ERBB4: variants seen among roughly 807,000 people sequenced by gnomAD.
ERBB4 encodes erb-b2 receptor tyrosine kinase 4.
ERBB4 carries 42 observed loss-of-function variants against 158.0 expected under a neutral mutation model. The ratio of observed to expected loss-of-function variants is 0.27; its 90% confidence interval spans 0.21 to 0.34. The LOEUF (loss-of-function observed/expected upper bound fraction) is 0.34. Ranked by LOEUF, ERBB4 falls within the 10% of genes least tolerant of loss-of-function variation. ERBB4 has a pLI of 1.00. For missense variants in ERBB4, 1,333 were observed against 1,624.1 expected (o/e 0.82, Z 3.08); for synonymous variants, 583 against 558.7 (o/e 1.04, Z -0.61).
intron 2 of ERBB4, among the ~76,000 whole-genome samples, chr2:212,002,250 G>T (rs1238342884): frequency 6.6e-6 from 1 of 152,168 alleles, no homozygotes; most frequent in Admixed American, 6.5e-5. Context: ...CAGCTCTAGT[G>T]AGAGACCATA....
chr2:211,638,866 A>G (rs1030470300), intron 16 of ERBB4, among the ~76,000 whole-genome samples: 1 of 152,120 alleles, frequency 6.6e-6, no homozygotes, highest in African/African-American at 2.4e-5. Context: ...ACATTTACAC[A>G]TATCTATGGG....
chr2:211,948,001 C>T (rs568837529), intron 2 of ERBB4, among the ~76,000 whole-genome samples: 8 of 152,026 alleles, frequency 5.3e-5, no homozygotes, highest in Non-Finnish European at 1.2e-4. Context: ...ATTGGTGAGC[C>T]TAAGTAAAAC....
At chr2:212,125,721 C>G (rs58834228) in intron 1 of ERBB4, among the ~76,000 whole-genome samples, 15,279 of 152,134 alleles carry the variant, frequency 0.1, 1,590 homozygotes, top group African/African-American at 0.27. Context: ...CTTCTAGCTC[C>G]ATCCATGTCT....
chr2:211,525,175 C>T (rs1020004479), intron 20 of ERBB4, among the ~76,000 whole-genome samples: 4 of 152,104 alleles, frequency 2.6e-5, no homozygotes, highest in South Asian at 2.1e-4. Context: ...CAGTGGACTT[C>T]GGGGGCACAT....
chr2:211,580,859 GCATATACATA>G lies in ERBB4; in HGVS notation c.2302-18781_2302-18772del, dbSNP rs1430767707. On this transcript the variant is annotated intron_variant, in intron 19 of 27. Coordinates refer to ENST00000342788, the MANE Select transcript of ERBB4 (RefSeq NM_005235.3). ...AGATTATATATTATATATATAGTATGCATATACATATATATATATATATATATATATATAT... is the reference window on the plus strand; with the variant it reads ...AGATTATATATTATATATATAGTATGTATATATATATATATATATATATAT... 8.6e-4 allele frequency among the ~76,000 whole-genome samples: 57 copies of G among 66,048 alleles called. 6 individuals carry two copies. The highest frequency in any genetic ancestry group is 3.9e-3 in the African/African-American group (56 of 14,430). 43.3% of individuals were successfully genotyped at this position (66,048 alleles called of 152,430 possible).
chr2:212,445,702 T>C (rs2092335427), intron 1 of ERBB4, among the ~76,000 whole-genome samples: 1 of 152,144 alleles, frequency 6.6e-6, no homozygotes, highest in Non-Finnish European at 1.5e-5. Context: ...AACAGCCCAA[T>C]CCAGGCAGGA....
chr2:211,960,300 T>C (rs1442821864), intron 2 of ERBB4, among the ~76,000 whole-genome samples: 2 of 152,108 alleles, frequency 1.3e-5, no homozygotes, highest in South Asian at 2.1e-4. Context: ...AGACCCTTCC[T>C]GGCCAATGAT....
At chr2:212,087,118 T>A (rs531084274) in intron 2 of ERBB4, among the ~76,000 whole-genome samples, 1 of 151,794 alleles carries the variant, frequency 6.6e-6, no homozygotes, top group African/African-American at 2.4e-5. Flanking sequence ...GTCCTCTATA[T>A]GGAAAATGTG....
At chr2:212,446,591 G>GTATGTATATA (rs1303302858) in intron 1 of ERBB4, among the ~76,000 whole-genome samples, 1 of 27,518 alleles carries the variant, frequency 3.6e-5, no homozygotes, top group Non-Finnish European at 5.9e-5. Context: ...ATATATATAT[G>GTATGTATATA]TATATATATA....
chr2:211,812,077 G>A (rs145670777), intron 3 of ERBB4, among the ~76,000 whole-genome samples: 6,045 of 152,250 alleles, frequency 0.04, 170 homozygotes, highest in African/African-American at 0.074. Context: ...TGCTGGTGAG[G>A]AGCTGTGATC....
At chr2:212,324,442 AC>A (rs2087724350) in intron 1 of ERBB4, among the ~76,000 whole-genome samples, 1 of 148,156 alleles carries the variant, frequency 6.7e-6, no homozygotes, top group Non-Finnish European at 1.5e-5. Flanking sequence ...TGAGAGTATA[AC>A]GAAACCATGA....
chr2:211,523,631 G>A (rs890341922), intron 20 of ERBB4, among the ~76,000 whole-genome samples: 5 of 151,998 alleles, frequency 3.3e-5, no homozygotes, highest in African/African-American at 7.2e-5. Context: ...GGAGTTGTTC[G>A]TTCCTCCCGG....
At chr2:212,489,750 A>T (rs1690171403) in intron 1 of ERBB4, among the ~76,000 whole-genome samples, 1 of 151,400 alleles carries the variant, frequency 6.6e-6, no homozygotes, top group African/African-American at 2.4e-5. Flanking sequence ...TCTATAGAAG[A>T]ACAGTTCAGC....
At position 211,580,866 on chromosome 2, in the gene ERBB4, CATATATATATATATATATATATAT is replaced by C. The variant is rs56892079; in HGVS notation, c.2302-18802_2302-18779del. 3.4e-4 allele frequency among the ~76,000 whole-genome samples: 22 copies of C among 64,170 alleles called. 2 individuals are homozygous for C. Among genetic ancestry groups the C allele is most frequent in the South Asian group, 9.7e-4 (2 of 2,054 alleles). 42.1% of individuals were successfully genotyped at this position (64,170 alleles called of 152,430 possible). On this transcript the variant is annotated intron_variant, in intron 19 of 27. Transcript: ENST00000342788. ...ATATTATATATATAGTATGCATATA[CATATATATATATATATATATATAT>C]ATATATATATATATATATATATATA...
At chr2:211,783,738 A>T (rs2076089819) in intron 4 of ERBB4, among the ~76,000 whole-genome samples, 1 of 152,142 alleles carries the variant, frequency 6.6e-6, no homozygotes, top group Non-Finnish European at 1.5e-5. Context: ...ATGGTGGATA[A>T]GCTTTTTGAT....
chr2:212,214,116 A>C (rs2083021552), intron 1 of ERBB4, among the ~76,000 whole-genome samples: 1 of 151,848 alleles, frequency 6.6e-6, no homozygotes, highest in Non-Finnish European at 1.5e-5. Flanking sequence ...AAAAGATAAT[A>C]AGGCAATAAA....
At chr2:211,943,854 C>T (rs1001511033) in intron 3 of ERBB4, among the ~76,000 whole-genome samples, 3 of 151,748 alleles carry the variant, frequency 2.0e-5, no homozygotes, top group Admixed American at 1.3e-4. Flanking sequence ...GAACATTAAG[C>T]TAGTTAGTAA....
intron 12 of ERBB4, among the ~76,000 whole-genome samples, chr2:211,691,602 G>GTGTGTGTGTGTATA (rs1225867697): frequency 6.9e-6 from 1 of 145,322 alleles, no homozygotes; most frequent in African/African-American, 2.6e-5. Flanking sequence ...GTGTGTGTGT[G>GTGTGTGTGTGTATA]TATATATATA....
intron 1 of ERBB4, among the ~76,000 whole-genome samples, chr2:212,229,912 A>T (rs950250703): frequency 3.3e-5 from 5 of 152,202 alleles, no homozygotes; most frequent in African/African-American, 1.2e-4. Flanking sequence ...GAAGGAAGTT[A>T]TAAGAGGAAG....
Sources: allele counts gnomAD v4.1 joint callset (sites outside exome capture counted in the v4.1 genomes callset), GRCh38; gene constraint gnomAD v4.1.1; transcripts MANE v1.5; gene names NCBI Gene and HGNC (gene_info 2026-07-23, HGNC 2026-07-21).